The following RBM5 variants were observed in gnomAD, a reference collection of about 807,000 sequenced individuals.
The protein encoded by RBM5 is RNA-binding protein 5.
RBM5 carries 15 observed loss-of-function variants against 124.6 expected under a neutral mutation model. That is an observed-to-expected ratio of 0.12 (90% CI 0.08 to 0.19). The LOEUF is 0.19. RBM5 is among the 10% of genes least tolerant of loss of function. The pLI is 1.00. For synonymous variants in RBM5, 337 were observed against 361.2 expected, an observed-to-expected ratio of 0.93 and a Z score of 0.76; for missense variants, 580 against 1,026.5, an observed-to-expected ratio of 0.57 and a Z score of 5.94.
rs1455668840 is a variant in RBM5, at chr3:50,110,663, G to C, written c.1364-16G>C. On this transcript the variant is annotated splice_polypyrimidine_tract_variant and intron_variant, in intron 16 of 24. Transcript: ENST00000347869. The stretch of plus-strand genomic sequence containing the variant: ...TCTTACCTGGAATGACTGTATGCTG[G>C]ATTTTGTTTTTGCAGCAGTACCTGA... 1.9e-6 allele frequency: 3 copies of C among 1,599,488 alleles called. No homozygotes were observed. The East Asian group carries it at 6.7e-5, about 36-fold the overall frequency.
Position 50,113,299 on chromosome 3 carries a change from C to T in RBM5, c.1456-84C>T, listed in dbSNP as rs368152938. Reference sequence around the variant, plus strand: ...GGAAATATCACTAGTCCACAACATACTTTATCTTTTTTTTGACAAAATATG... The same window carrying T: ...GGAAATATCACTAGTCCACAACATATTTTATCTTTTTTTTGACAAAATATG... On this transcript the variant is annotated intron_variant, in intron 17 of 24. Transcript: ENST00000347869. 112 of 1,423,492 alleles carry T rather than the reference C, an allele frequency of 7.9e-5. 1 individual carries two copies. In the East Asian group the frequency reaches 1.7e-3, roughly 22 times the overall value. 88.2% of individuals were successfully genotyped at this position (1,423,492 alleles called of 1,614,324 possible). A position where few individuals can be genotyped will look rare whatever the true frequency, so the allele number is the denominator to read the frequency against.
chr3:50,118,707 C>T lies in RBM5; in HGVS notation c.*251C>T. 3.6e-6 allele frequency: 2 copies of T among 551,404 alleles called. No homozygotes were observed. The highest frequency in any genetic ancestry group is 3.2e-5 in the East Asian group (1 of 31,624). 34.2% of individuals were successfully genotyped at this position (551,404 alleles called of 1,614,324 possible). Reference sequence around the variant, plus strand: ...AGAGGACAGTGGATTGTTTATACTCCAGTGTACATAGTGTAATGTAGCGTG... The same window carrying T: ...AGAGGACAGTGGATTGTTTATACTCTAGTGTACATAGTGTAATGTAGCGTG... On this transcript the variant is annotated 3_prime_UTR_variant, in exon 25 of 25. Transcript: ENST00000347869.
chr3:50,095,668 C>T (rs966185817), intron 4 of RBM5, among the ~76,000 whole-genome samples: 5 of 151,804 alleles, frequency 3.3e-5, no homozygotes, highest in Non-Finnish European at 7.4e-5. Context: ...GCTTCTTCTT[C>T]GTTATTCTCT....
intron 21 of RBM5, 107 bp downstream of exon 21, chr3:50,115,714 G>GC (rs2091236800): frequency 7.3e-7 from 1 of 1,371,524 alleles, no homozygotes; most frequent in Non-Finnish European, 1.0e-6. Flanking sequence ...TCTAATGATG[G>GC]CCTTACAGAA....
chr3:50,114,899 G>GCT (rs1369481588), intron 20 of RBM5: 1 of 154,136 alleles, frequency 6.5e-6, no homozygotes, highest in Non-Finnish European at 1.4e-5. Context: ...TGGCACAGTG[G>GCT]CTCACACCTG....
intron 18 of RBM5, 87 bp from the exon 19 acceptor site, chr3:50,113,863 T>C: frequency 6.9e-7 from 1 of 1,447,988 alleles, no homozygotes; most frequent in South Asian, 1.3e-5. Context: ...TTACAGGGCA[T>C]ATAGTTGAGA....
At chr3:50,110,274 C>A in intron 15 of RBM5, 105 bp from the exon 16 acceptor site, 1 of 914,758 alleles carries the variant, frequency 1.1e-6, no homozygotes, top group Non-Finnish European at 1.7e-6. Flanking sequence ...ATTATTGCTA[C>A]AGTGTGTCTG....
At chr3:50,114,660 A>G (rs994558962) in intron 20 of RBM5, 6 of 166,474 alleles carry the variant, frequency 3.6e-5, no homozygotes, top group African/African-American at 1.4e-4. Context: ...TCTAGGCAAC[A>G]TTGCAAGACT....
chr3:50,097,715 A>G (rs1053643478), intron 4 of RBM5, among the ~76,000 whole-genome samples: 18 of 152,172 alleles, frequency 1.2e-4, no homozygotes, highest in African/African-American at 4.1e-4. Flanking sequence ...TCTAGCCCCA[A>G]TTAATGTTTG....
At position 50,100,851 on chromosome 3, in the gene RBM5, G is replaced by T; in HGVS notation, c.483+246G>T. On this transcript the variant is annotated intron_variant, in intron 6 of 24. Transcript: ENST00000347869. The surrounding 1 kb of genome is among the most constrained non-coding windows in gnomAD (Gnocchi z 5.1). ...TTGTTAACTACTGAATACCTGTCTG[G>T]TAATCACTAAAACATCTTAATGTTT... The T allele has an allele frequency of 2.5e-6, 1 of 402,156 alleles. No homozygotes were observed. The highest frequency in any genetic ancestry group is 4.4e-6 in the Non-Finnish European group (1 of 225,452). The allele number at this position is 402,156 out of a possible 1,614,324, so 24.9% of individuals were successfully genotyped here.
chr3:50,091,951 A>C, intron 2 of RBM5, 92 bp from the exon 3 acceptor site: 1 of 1,368,034 alleles, frequency 7.3e-7, no homozygotes, highest in Non-Finnish European at 1.0e-6. Context: ...TTATCTTATA[A>C]ACTGATCTGT....
At chr3:50,116,826 T>C (rs1404614837) in intron 22 of RBM5, 2 of 479,400 alleles carry the variant, frequency 4.2e-6, no homozygotes, top group East Asian at 7.8e-5. Context: ...GGTGGCTAAT[T>C]AAATAAAACT....
intron 3 of RBM5, among the ~76,000 whole-genome samples, chr3:50,092,561 C>CAAA (rs1156471002): frequency 3.0e-5 from 2 of 66,452 alleles, no homozygotes; most frequent in African/African-American, 1.0e-4. Flanking sequence ...GACTCCATCT[C>CAAA]AAAAAAAAAA....
In RBM5 at chr3:50,103,135, G is replaced by C; in HGVS notation, c.536G>C (p.Arg179Thr). The change falls in exon 7 of 25, where the codon AGA (arginine) becomes ACA (threonine). Residue 179 changes from arginine to threonine, a missense_variant. Coordinates refer to ENST00000347869, the MANE Select transcript of RBM5 (RefSeq NM_005778.4). ...ATTGCAATGCATTATAGCAATCCCAGACCTAAGTTTGAAGATTGGCTTTGT... is the reference window on the plus strand; with the variant it reads ...ATTGCAATGCATTATAGCAATCCCACACCTAAGTTTGAAGATTGGCTTTGT... ...KHIAMHYSNP[R>T]PKFEDWLCNK... 1 of 1,612,726 alleles carries C rather than the reference G, an allele frequency of 6.2e-7. No individual in the cohort carries two copies. The highest frequency in any genetic ancestry group is 8.5e-7 in the Non-Finnish European group (1 of 1,178,768).
chr3:50,114,625 C>A, intron 20 of RBM5: 1 of 191,832 alleles, frequency 5.2e-6, no homozygotes, highest in South Asian at 1.3e-4. Flanking sequence ...TATTTGTGGT[C>A]AGTGGTTTGA....
chr3:50,100,356 G>A lies in RBM5; in HGVS notation c.410-176G>A, dbSNP rs2090915771. On this transcript the variant is annotated intron_variant, in intron 5 of 24. Coordinates refer to ENST00000347869, the MANE Select transcript of RBM5 (RefSeq NM_005778.4). This position sits in a 1 kb window ranked among gnomAD's most constrained non-coding sequence, Gnocchi z 5.1. ...AAATGGAGTGGCATTTAGTTCAGGC[G>A]GCTTGTTCCTTGCCATGGCAAAGTA... is the stretch of plus-strand genomic sequence containing the variant. 5 of 586,838 alleles carry A rather than the reference G, an allele frequency of 8.5e-6. No individual in the cohort carries two copies. The highest frequency in any genetic ancestry group is 1.9e-5 in the African/African-American group (1 of 53,494). The allele number at this position is 586,838 out of a possible 1,614,324, so 36.4% of individuals were successfully genotyped here. A position where few individuals can be genotyped will look rare whatever the true frequency, so the allele number is the denominator to read the frequency against.
intron 20 of RBM5, 32 bp downstream of exon 20, chr3:50,114,283 C>G (rs1442957559): frequency 1.9e-6 from 3 of 1,574,500 alleles, no homozygotes; most frequent in South Asian, 2.3e-5. Flanking sequence ...TTTAAAGACC[C>G]TATCTGTGGT....
chr3:50,100,467 A>G lies in RBM5; in HGVS notation c.410-65A>G. 7.4e-7 allele frequency: 1 copy of G among 1,358,918 alleles called. No individual in the cohort carries two copies. Among genetic ancestry groups the G allele is most frequent in the Non-Finnish European group, 1.0e-6 (1 of 953,964 alleles). The allele number at this position is 1,358,918 out of a possible 1,614,324, so 84.2% of individuals were successfully genotyped here. On this transcript the variant is annotated intron_variant, in intron 5 of 24. Transcript: ENST00000347869. This position sits in a 1 kb window ranked among gnomAD's most constrained non-coding sequence, Gnocchi z 5.1. ...GCAGTGTTGAAGCAGTGGGAGAGAG[A>G]TTCACCTGTTATAAAGGAACTGACT...
At chr3:50,094,016 C>T in intron 4 of RBM5, 141 bp downstream of exon 4, 4 of 851,824 alleles carry the variant, frequency 4.7e-6, no homozygotes, top group Non-Finnish European at 5.2e-6. Context: ...GGGACCAGAA[C>T]TGTTTTGATA....
Sources: gnomAD v4.1 joint callset for allele counts (sites outside exome capture counted in the v4.1 genomes callset) on GRCh38, gnomAD v4.1.1 for gene constraint, Gnocchi (gnomAD v3.1) non-coding constraint, MANE v1.5 for transcripts, NCBI Gene and HGNC (gene_info 2026-07-23, HGNC 2026-07-21) for gene names.